Variants in ALK observed in about 807,000 individuals in gnomAD.
ALK encodes ALK receptor tyrosine kinase.
In ALK, 74 loss-of-function variants were observed where a neutral mutation model predicts 163.1. The ratio of observed to expected loss-of-function variants is 0.45; its 90% CI spans 0.38 to 0.55. ALK has a LOEUF of 0.55. ALK is among the 20% of genes least tolerant of loss of function. The probability of loss-of-function intolerance (pLI) is 0.00; values close to 1 mark genes in which losing one functional copy is unlikely to be tolerated. For synonymous variants in ALK, 960 were observed against 843.2 expected (o/e 1.14, Z -2.40); for missense variants, 2,063 against 2,105.3 (o/e 0.98, Z 0.39).
chr2:29,408,297 C>A (rs1669640804), intron 4 of ALK, among the ~76,000 whole-genome samples: 1 of 151,472 alleles, frequency 6.6e-6, no homozygotes, highest in Non-Finnish European at 1.5e-5. Flanking sequence ...ACTGTGTTAG[C>A]CAGGATGGTC....
At chr2:29,568,147 AG>A (rs1254780999) in intron 3 of ALK, among the ~76,000 whole-genome samples, 1 of 152,250 alleles carries the variant, frequency 6.6e-6, no homozygotes, top group African/African-American at 2.4e-5. Context: ...TGGGAGCAGC[AG>A]GGCCCCCGCC....
In ALK at chr2:29,768,741, G is replaced by A. The variant is rs200965679; in HGVS notation, c.668-51044C>T. Among the ~76,000 whole-genome samples, 1,123 of 122,232 alleles carry A rather than the reference G, an allele frequency of 9.2e-3. 13 individuals are homozygous for A. Among genetic ancestry groups the A allele is most frequent in the South Asian group, 0.056 (218 of 3,926 alleles). The allele number at this position is 122,232 out of a possible 152,430, so 80.2% of individuals were successfully genotyped here. A position where few individuals can be genotyped will look rare whatever the true frequency, so the allele number is the denominator to read the frequency against. On this transcript the variant is annotated intron_variant, in intron 1 of 28. Transcript: ENST00000389048. ...TGTGTGTGTGTGTGTGTGTGTGTGT[G>A]TGTATATATGTATATGTGCCTATAA...
intron 4 of ALK, among the ~76,000 whole-genome samples, chr2:29,440,773 T>C (rs1402348141): frequency 6.6e-6 from 1 of 152,210 alleles, no homozygotes; most frequent in Non-Finnish European, 1.5e-5. Context: ...AGCACCACTC[T>C]TTGATGCCAA....
intron 4 of ALK, among the ~76,000 whole-genome samples, chr2:29,490,873 T>C (rs1671883865): frequency 6.6e-6 from 1 of 152,240 alleles, no homozygotes; most frequent in South Asian, 2.1e-4. Context: ...TCAGTAGTAT[T>C]TCAAGATGTC....
At chr2:29,908,816 A>G (rs1056573193) in intron 1 of ALK, among the ~76,000 whole-genome samples, 1 of 152,242 alleles carries the variant, frequency 6.6e-6, no homozygotes, top group African/African-American at 2.4e-5. Flanking sequence ...CCATTTGTTT[A>G]GCATTCAAGT....
At chr2:29,805,533 C>T (rs1234260912) in intron 1 of ALK, among the ~76,000 whole-genome samples, 1 of 152,098 alleles carries the variant, frequency 6.6e-6, no homozygotes, top group Non-Finnish European at 1.5e-5. Flanking sequence ...GTGTGGTTCC[C>T]CTCCCCGTGT....
intron 1 of ALK, among the ~76,000 whole-genome samples, chr2:29,893,578 A>G (rs1667199197): frequency 6.6e-6 from 1 of 152,154 alleles, no homozygotes; most frequent in Non-Finnish European, 1.5e-5. Flanking sequence ...GGAATGTTCC[A>G]GGATTCTTTC....
intron 16 of ALK, among the ~76,000 whole-genome samples, chr2:29,228,632 C>T (rs948457829): frequency 6.6e-6 from 1 of 151,948 alleles, no homozygotes; most frequent in African/African-American, 2.4e-5. Context: ...TCTTTATCAT[C>T]GACTTTGGGG....
intron 11 of ALK, among the ~76,000 whole-genome samples, chr2:29,270,816 G>A (rs1650695271): frequency 6.6e-6 from 1 of 152,112 alleles, no homozygotes; most frequent in African/African-American, 2.4e-5. Context: ...GTCTATCTGA[G>A]TTCCCTCCAG....
At chr2:29,595,987 G>T (rs1675203783) in intron 3 of ALK, among the ~76,000 whole-genome samples, 1 of 152,140 alleles carries the variant, frequency 6.6e-6, no homozygotes, top group African/African-American at 2.4e-5. Flanking sequence ...TGAGGCTGGG[G>T]CCATGTTTAA....
intron 5 of ALK, among the ~76,000 whole-genome samples, chr2:29,372,993 A>AT (rs111433897): frequency 0.051 from 7,770 of 152,024 alleles, 248 homozygotes; most frequent in African/African-American, 0.08. Flanking sequence ...TCACAGCCAC[A>AT]TTTTTTTTAA....
At chr2:29,331,276 G>A (rs1385619458) in intron 5 of ALK, among the ~76,000 whole-genome samples, 1 of 152,156 alleles carries the variant, frequency 6.6e-6, no homozygotes, top group Non-Finnish European at 1.5e-5. Flanking sequence ...GCAGGAAAAT[G>A]CACAACAAAA....
intron 4 of ALK, among the ~76,000 whole-genome samples, chr2:29,405,905 C>G (rs1031192693): frequency 6.6e-6 from 1 of 152,148 alleles, no homozygotes. Context: ...TTAGATCTTT[C>G]TACTCAGAAT....
chr2:29,516,181 T>C (rs1239331575), intron 4 of ALK, among the ~76,000 whole-genome samples: 1 of 152,198 alleles, frequency 6.6e-6, no homozygotes, highest in East Asian at 1.9e-4. Flanking sequence ...TCTTAGTGGT[T>C]CATTACCCAA....
At chr2:29,591,481 C>T (rs1056334547) in intron 3 of ALK, among the ~76,000 whole-genome samples, 14 of 152,162 alleles carry the variant, frequency 9.2e-5, no homozygotes, top group Non-Finnish European at 1.8e-4. Context: ...CCTCCCCAGT[C>T]ACACCCCAGG....
rs543871361 is a variant in ALK, at chr2:29,332,807, T to C, written c.1283-4326A>G. The stretch of plus-strand genomic sequence containing the variant: ...CTGCTAGTCTGTTTATGATGACGCT[T>C]TGAAGAATATCTTTGAGCGTAAACC... On this transcript the variant is annotated intron_variant, in intron 5 of 28. Transcript: ENST00000389048. Among the ~76,000 whole-genome samples the C allele has an allele frequency of 1.2e-3, 190 of 152,384 alleles. 1 individual carries two copies. The highest frequency in any genetic ancestry group is 4.1e-3 in the Admixed American group (63 of 15,310).
In ALK at chr2:29,316,411, C is replaced by A. The variant is rs573060269; in HGVS notation, c.1647+1893G>T. On this transcript the variant is annotated intron_variant, in intron 8 of 28. Transcript: ENST00000389048. ...AGGGAATAGCAGAAACAGCCCAGAGCAAATTAGACTGCAGGAAAAATAAAA... is the reference window on the plus strand; with the variant it reads ...AGGGAATAGCAGAAACAGCCCAGAGAAAATTAGACTGCAGGAAAAATAAAA... Among the ~76,000 whole-genome samples the A allele has an allele frequency of 2.4e-3, 365 of 151,988 alleles. 1 individual carries two copies. Among genetic ancestry groups the A allele is most frequent in the Non-Finnish European group, 4.2e-3 (284 of 68,002 alleles).
At chr2:29,767,571 A>G (rs1403550827) in intron 1 of ALK, among the ~76,000 whole-genome samples, 1 of 152,160 alleles carries the variant, frequency 6.6e-6, no homozygotes, top group East Asian at 1.9e-4. Flanking sequence ...CACTTCATGG[A>G]GGGCCTAATG....
rs898951741 is a variant in ALK at position 29,192,967 on chromosome 2, C to T, written c.*257G>A. 5.9e-6 allele frequency: 3 copies of T among 510,586 alleles called. No homozygotes were observed. Among genetic ancestry groups the T allele is most frequent in the African/African-American group, 3.8e-5 (2 of 52,472 alleles). 31.6% of individuals were successfully genotyped at this position (510,586 alleles called of 1,614,324 possible). A position where few individuals can be genotyped will look rare whatever the true frequency, so the allele number is the denominator to read the frequency against. ...AGTATACAACAAACATGCATAAAAA[C>T]CTTATGCAACCACATCTGGGCCTTG... On this transcript the variant is annotated 3_prime_UTR_variant, in exon 29 of 29. Transcript: ENST00000389048.
Sources: allele counts gnomAD v4.1 joint callset (sites outside exome capture counted in the v4.1 genomes callset), GRCh38; gene constraint gnomAD v4.1.1; transcripts MANE v1.5; gene names NCBI Gene and HGNC (gene_info 2026-07-23, HGNC 2026-07-21).